ENAH: variants seen among roughly 807,000 people sequenced by gnomAD.
ENAH encodes the protein protein enabled homolog.
ENAH carries 23 observed loss-of-function variants against 78.7 expected under a neutral mutation model. The ratio of observed to expected loss-of-function variants is 0.29; its 90% CI spans 0.21 to 0.41. The LOEUF (loss-of-function observed/expected upper bound fraction) is 0.41, where lower values mean the gene tolerates loss of function less well. Among genes scored for constraint, ENAH ranks in the 10% least tolerant of loss-of-function variants. ENAH has a pLI of 1.00. For synonymous variants in ENAH, 226 were observed against 241.0 expected (o/e 0.94, Z 0.58); for missense variants, 544 against 691.0 (o/e 0.79, Z 2.39).
intron 3 of ENAH, among the ~76,000 whole-genome samples, chr1:225,533,339 C>T (rs1381704696): frequency 6.6e-6 from 1 of 152,112 alleles, no homozygotes; most frequent in Admixed American, 6.6e-5. Context: ...GGAATATAAA[C>T]ATTACTTTAC....
At chr1:225,504,913 C>G (rs1374567366) in intron 11 of ENAH, 1 of 1,047,538 alleles carries the variant, frequency 9.5e-7, no homozygotes, top group Non-Finnish European at 1.4e-6. Flanking sequence ...GATTACCAAT[C>G]CAGGTAGAAA....
chr1:225,591,484 C>T (rs1327116697), intron 1 of ENAH, among the ~76,000 whole-genome samples: 1 of 121,508 alleles, frequency 8.2e-6, no homozygotes, highest in African/African-American at 3.1e-5. Context: ...AAAAAAAAAA[C>T]AGTCGGGTGT....
intron 1 of ENAH, among the ~76,000 whole-genome samples, chr1:225,614,568 T>A (rs907050757): frequency 2.0e-5 from 3 of 152,142 alleles, no homozygotes; most frequent in Non-Finnish European, 4.4e-5. Context: ...TATGTAGACA[T>A]GACTGATTAA....
At chr1:225,573,501 C>T (rs2096773545) in intron 1 of ENAH, among the ~76,000 whole-genome samples, 1 of 152,080 alleles carries the variant, frequency 6.6e-6, no homozygotes, top group Non-Finnish European at 1.5e-5. Context: ...CAAGTGTATA[C>T]TGGGAAGCCA....
chr1:225,599,826 C>T (rs934465984), intron 1 of ENAH, among the ~76,000 whole-genome samples: 2 of 142,680 alleles, frequency 1.4e-5, no homozygotes, highest in Non-Finnish European at 3.0e-5. Context: ...AAAAAAGTGA[C>T]CCCCTTTATT....
chr1:225,601,121 G>C (rs2096928373), intron 1 of ENAH, among the ~76,000 whole-genome samples: 1 of 152,124 alleles, frequency 6.6e-6, no homozygotes, highest in South Asian at 2.1e-4. Flanking sequence ...AGAACTGTCA[G>C]AGAAAAATCA....
chr1:225,630,472 T>C (rs1658811879), intron 1 of ENAH, among the ~76,000 whole-genome samples: 1 of 152,214 alleles, frequency 6.6e-6, no homozygotes, highest in Admixed American at 6.5e-5. Context: ...TTAAAGGATT[T>C]AGAAGACAGT....
At chr1:225,565,676 T>C (rs2096731282) in intron 2 of ENAH, among the ~76,000 whole-genome samples, 1 of 152,128 alleles carries the variant, frequency 6.6e-6, no homozygotes. Context: ...TGGGGTGTAT[T>C]TGATTTATCT....
intron 3 of ENAH, among the ~76,000 whole-genome samples, chr1:225,547,442 G>A (rs2096620541): frequency 6.6e-6 from 1 of 152,122 alleles, no homozygotes; most frequent in African/African-American, 2.4e-5. Context: ...CCTAAGTGAA[G>A]TACAATCAGA....
In ENAH at chr1:225,489,753, A is replaced by C. The variant is rs2096214166; in HGVS notation, c.*8022T>G. The C allele has an allele frequency of 6.6e-6, 1 of 152,182 alleles. No homozygotes were observed. Among genetic ancestry groups the C allele is most frequent in the African/African-American group, 2.4e-5 (1 of 41,428 alleles). The allele number at this position is 152,182 out of a possible 1,614,324, so 9.4% of individuals were successfully genotyped here. A position where few individuals can be genotyped will look rare whatever the true frequency, so the allele number is the denominator to read the frequency against. The stretch of plus-strand genomic sequence containing the variant: ...CACCTGAGGTCAGGAGTTCGAGACC[A>C]GCCTGGCCAATACGGTGAAACCCTG... On this transcript the variant is annotated 3_prime_UTR_variant, in exon 14 of 14. Coordinates refer to ENST00000366843, the MANE Select transcript of ENAH (RefSeq NM_018212.6).
intron 4 of ENAH, among the ~76,000 whole-genome samples, chr1:225,522,387 A>G (rs1342414858): frequency 2.6e-5 from 4 of 152,236 alleles, no homozygotes; most frequent in African/African-American, 9.6e-5. Context: ...CAATGACTGC[A>G]AGAGAAAAAC....
intron 3 of ENAH, among the ~76,000 whole-genome samples, chr1:225,546,405 T>C (rs527831191): frequency 6.6e-6 from 1 of 152,312 alleles, no homozygotes. Context: ...ACTTTGAGGT[T>C]GTTCCTGTGT....
intron 1 of ENAH, among the ~76,000 whole-genome samples, chr1:225,577,894 T>A (rs1038916407): frequency 2.0e-5 from 3 of 152,186 alleles, no homozygotes; most frequent in Non-Finnish European, 2.9e-5. Flanking sequence ...TTTTTTTCAA[T>A]AGGGAGTAAT....
intron 1 of ENAH, among the ~76,000 whole-genome samples, chr1:225,641,888 T>C (rs1355546847): frequency 6.6e-6 from 1 of 152,088 alleles, no homozygotes; most frequent in South Asian, 2.1e-4. Flanking sequence ...GGGCGTGGTC[T>C]CGTGCATCTG....
intron 1 of ENAH, among the ~76,000 whole-genome samples, chr1:225,648,748 A>T (rs961439960): frequency 2.0e-5 from 3 of 148,228 alleles, no homozygotes; most frequent in Non-Finnish European, 4.4e-5. Flanking sequence ...GTGAAATATA[A>T]GATTATCTCC....
intron 3 of ENAH, 133 bp downstream of exon 3, chr1:225,554,773 C>T (rs771575795): frequency 8.1e-5 from 56 of 695,380 alleles, no homozygotes; most frequent in Non-Finnish European, 1.1e-4. Flanking sequence ...CAAATATATA[C>T]AAGATCTAAA....
chr1:225,617,103 A>T (rs968260474), intron 1 of ENAH, among the ~76,000 whole-genome samples: 18 of 97,418 alleles, frequency 1.8e-4, no homozygotes, highest in African/African-American at 1.0e-3. Flanking sequence ...CATCTCAATT[A>T]AAAAAAAAAA....
chr1:225,536,464 A>T (rs1000067187), intron 3 of ENAH, among the ~76,000 whole-genome samples: 1 of 152,074 alleles, frequency 6.6e-6, no homozygotes, highest in Non-Finnish European at 1.5e-5. Flanking sequence ...TCCTGAAGAA[A>T]TTATTTTCAG....
At chr1:225,632,924 C>A (rs1447540085) in intron 1 of ENAH, among the ~76,000 whole-genome samples, 1 of 152,138 alleles carries the variant, frequency 6.6e-6, no homozygotes, top group Non-Finnish European at 1.5e-5. Context: ...ACTAACCATG[C>A]AGGCTTGACA....
Sources: gnomAD v4.1 joint callset for allele counts (sites outside exome capture counted in the v4.1 genomes callset) on GRCh38, gnomAD v4.1.1 for gene constraint, MANE v1.5 for transcripts, NCBI Gene and HGNC (gene_info 2026-07-23, HGNC 2026-07-21) for gene names.